The following DPP10 variants were observed in gnomAD, a reference collection of about 807,000 sequenced individuals.
The protein encoded by DPP10 is inactive dipeptidyl peptidase 10.
DPP10 carries 33 observed loss-of-function variants against 120.9 expected under a neutral mutation model. The ratio of observed to expected loss-of-function variants is 0.27; its 90% confidence interval spans 0.21 to 0.37. The LOEUF is 0.37. DPP10 is among the 10% of genes least tolerant of loss of function. DPP10 has a pLI of 1.00. For missense variants in DPP10, 816 were observed against 942.8 expected (o/e 0.87, Z 1.76); for synonymous variants, 337 against 326.1 (o/e 1.03, Z -0.36).
chr2:114,910,824 CA>C (rs1277927129), intron 1 of DPP10, among the ~76,000 whole-genome samples: 2 of 152,028 alleles, frequency 1.3e-5, no homozygotes, highest in Non-Finnish European at 2.9e-5. Context: ...AATTTTGATA[CA>C]TTTTTTTCAA....
At chr2:115,205,057 A>G (rs1574002373) in intron 1 of DPP10, among the ~76,000 whole-genome samples, 1 of 152,058 alleles carries the variant, frequency 6.6e-6, no homozygotes, top group African/African-American at 2.4e-5. Flanking sequence ...TTTACTTTGT[A>G]TATAGTTTCT....
At chr2:115,236,080 A>G (rs1226340124) in intron 1 of DPP10, among the ~76,000 whole-genome samples, 1 of 152,152 alleles carries the variant, frequency 6.6e-6, no homozygotes, top group African/African-American at 2.4e-5. Context: ...CTCCCCCTCC[A>G]AACACACACC....
intron 1 of DPP10, among the ~76,000 whole-genome samples, chr2:114,471,710 C>T (rs892820796): frequency 2.0e-5 from 3 of 152,108 alleles, no homozygotes; most frequent in Non-Finnish European, 4.4e-5. Flanking sequence ...TTTGTGTCTC[C>T]TATTGTCAAC....
At chr2:115,343,761 C>A in intron 2 of DPP10, 56 bp from the exon 3 acceptor site, 1 of 1,250,024 alleles carries the variant, frequency 8.0e-7, no homozygotes, top group South Asian at 1.4e-5. Flanking sequence ...GTAATTTGCT[C>A]CTTTTAAAAA....
At chr2:115,005,977 G>A (rs1239002126) in intron 1 of DPP10, among the ~76,000 whole-genome samples, 1 of 152,108 alleles carries the variant, frequency 6.6e-6, no homozygotes, top group Non-Finnish European at 1.5e-5. Context: ...GAAAGGTCGG[G>A]TTACCCTCAA....
intron 1 of DPP10, among the ~76,000 whole-genome samples, chr2:115,129,230 A>T (rs2050220714): frequency 6.6e-6 from 1 of 152,172 alleles, no homozygotes; most frequent in Non-Finnish European, 1.5e-5. Flanking sequence ...ATTGATAGGA[A>T]CTTTACATCT....
intron 1 of DPP10, among the ~76,000 whole-genome samples, chr2:114,736,391 G>A (rs941798514): frequency 2.0e-5 from 3 of 152,022 alleles, no homozygotes; most frequent in African/African-American, 7.2e-5. Flanking sequence ...GTTATTTCTT[G>A]ATAAGCATCT....
chr2:114,975,000 TA>T (rs1164748188), intron 1 of DPP10, among the ~76,000 whole-genome samples: 2 of 151,700 alleles, frequency 1.3e-5, no homozygotes, highest in African/African-American at 4.8e-5. Context: ...GAAAAAAATA[TA>T]AAACTGACAG....
chr2:115,800,507 G>A (rs1685083536), intron 19 of DPP10, among the ~76,000 whole-genome samples: 1 of 152,112 alleles, frequency 6.6e-6, no homozygotes, highest in South Asian at 2.1e-4. Context: ...TGAAGTCCTT[G>A]CCCATGCCTT....
At chr2:115,574,127 T>C (rs1273575184) in intron 5 of DPP10, among the ~76,000 whole-genome samples, 3 of 152,124 alleles carry the variant, frequency 2.0e-5, no homozygotes, top group African/African-American at 4.8e-5. Flanking sequence ...TCCACTTCAC[T>C]GACTTCCCCG....
At chr2:115,819,138 G>T (rs12998695) in intron 21 of DPP10, among the ~76,000 whole-genome samples, 38,854 of 151,966 alleles carry the variant, frequency 0.26, 5,308 homozygotes, top group Middle Eastern at 0.4. Context: ...GGAAAAATTT[G>T]TTTAAAATTG....
At chr2:115,206,212 G>A (rs752607295) in intron 1 of DPP10, among the ~76,000 whole-genome samples, 15 of 152,176 alleles carry the variant, frequency 9.9e-5, no homozygotes, top group South Asian at 4.1e-4. Context: ...TGTTTCCCTC[G>A]TCAGGTGACT....
At chr2:115,029,953 A>G (rs1703726594) in intron 1 of DPP10, among the ~76,000 whole-genome samples, 1 of 152,182 alleles carries the variant, frequency 6.6e-6, no homozygotes. Context: ...AAAGACTCAA[A>G]GGGATCCTCT....
At chr2:115,682,539 T>G (rs772776928) in intron 5 of DPP10, among the ~76,000 whole-genome samples, 2 of 152,016 alleles carry the variant, frequency 1.3e-5, no homozygotes, top group African/African-American at 4.8e-5. Context: ...ATAAGCTTAT[T>G]TATATAACAG....
rs1467794840 is a variant in DPP10, at chr2:115,384,520, AGAG to A, written c.271+40611_271+40613del. Among the ~76,000 whole-genome samples the A allele has an allele frequency of 3.7e-3, 534 of 146,194 alleles. 3 individuals are homozygous for A. The highest frequency in any genetic ancestry group is 0.012 in the African/African-American group (486 of 39,698). On this transcript the variant is annotated intron_variant, in intron 3 of 25. Coordinates refer to ENST00000410059, the MANE Select transcript of DPP10 (RefSeq NM_020868.6). The stretch of plus-strand genomic sequence containing the variant: ...AGGAAAAGAAGAAGAAGAAGGAAGA[AGAG>A]GAAGAAGAAGAAAGAAGAAGAAGGA...
intron 1 of DPP10, among the ~76,000 whole-genome samples, chr2:115,119,000 G>T (rs1159602791): frequency 6.6e-6 from 1 of 152,154 alleles, no homozygotes; most frequent in Non-Finnish European, 1.5e-5. Flanking sequence ...TAGGAAGAGG[G>T]TCAAGCAGGC....
At chr2:115,137,916 G>C (rs530434184) in intron 1 of DPP10, among the ~76,000 whole-genome samples, 41 of 152,292 alleles carry the variant, frequency 2.7e-4, no homozygotes, top group African/African-American at 9.6e-4. Flanking sequence ...ATTTGGCTAA[G>C]ACAGCTTTAC....
intron 1 of DPP10, among the ~76,000 whole-genome samples, chr2:115,286,059 C>A (rs1357344916): frequency 6.6e-6 from 1 of 151,822 alleles, no homozygotes; most frequent in African/African-American, 2.4e-5. Context: ...CTTTGCTCTA[C>A]TTTATTTATT....
Position 115,068,091 on chromosome 2 carries a change from T to A in DPP10, c.61-241148T>A, listed in dbSNP as rs143921557. 9.8e-4 allele frequency among the ~76,000 whole-genome samples: 149 copies of A among 152,136 alleles called. 1 individual carries two copies. In the Middle Eastern group the frequency reaches 0.021, roughly 21 times the overall value. ...TTTCCTTTGAATGTATACACAATAT[T>A]GGGATTGCTGGATTATATGATAATT... On this transcript the variant is annotated intron_variant, in intron 1 of 25. Transcript: ENST00000410059.
Sources: gnomAD v4.1 joint callset for allele counts (sites outside exome capture counted in the v4.1 genomes callset) on GRCh38, gnomAD v4.1.1 for gene constraint, MANE v1.5 for transcripts, NCBI Gene and HGNC (gene_info 2026-07-23, HGNC 2026-07-21) for gene names.